Variants in CYREN observed in about 807,000 individuals in gnomAD.
The protein encoded by CYREN is cell cycle regulator of NHEJ.
CYREN carries 7 observed loss-of-function variants against 9.7 expected under a neutral mutation model. The observed-to-expected ratio is 0.72, with a 90% confidence interval of 0.41 to 1.36. CYREN has a LOEUF of 1.36. Among genes scored for constraint, CYREN ranks in the 40% most tolerant of loss-of-function variants. The pLI is 0.01. For missense variants in CYREN, 215 were observed against 198.1 expected (o/e 1.09, Z -0.51); for synonymous variants, 76 against 77.9 (o/e 0.98, Z 0.13).
chr7:135,105,215 G>A (rs889195617), intron 2 of CYREN, among the ~76,000 whole-genome samples: 1 of 151,832 alleles, frequency 6.6e-6, no homozygotes, highest in Non-Finnish European at 1.5e-5. Flanking sequence ...GATTACAGGT[G>A]CCCACCACCA....
At chr7:135,103,047 T>C (rs1392923546) in intron 2 of CYREN, among the ~76,000 whole-genome samples, 2 of 152,186 alleles carry the variant, frequency 1.3e-5, no homozygotes, top group African/African-American at 4.8e-5. Context: ...CCTATGTCAT[T>C]TCTTCTTTGA....
intron 2 of CYREN, among the ~76,000 whole-genome samples, chr7:135,095,338 T>C (rs1204633588): frequency 1.3e-5 from 2 of 152,226 alleles, no homozygotes; most frequent in East Asian, 3.8e-4. Flanking sequence ...AACAGTGGTT[T>C]ACAGCTGATA....
exon 3 of CYREN, chr7:135,094,146 G>A (rs1402707781): frequency 3.2e-5 from 10 of 310,418 alleles, no homozygotes; most frequent in African/African-American, 2.2e-4. Flanking sequence ...ACTCTTAGAA[G>A]AAAATATAGA....
At chr7:135,166,957 G>A in intron 3 of CYREN, 86 bp from the exon 4 acceptor site, 1 of 1,546,102 alleles carries the variant, frequency 6.5e-7, no homozygotes, top group Non-Finnish European at 8.7e-7. Context: ...GATGTATCTA[G>A]AAGCAACTAC....
At chr7:135,171,564 C>A (rs1338029058), upstream of CYREN, among the ~76,000 whole-genome samples, 1 of 152,198 alleles carries the variant, frequency 6.6e-6, no homozygotes, top group Non-Finnish European at 1.5e-5. Flanking sequence ...TTGCTCAAAT[C>A]AATCACGACC....
At chr7:135,098,322 C>T (rs768102423) in intron 2 of CYREN, among the ~76,000 whole-genome samples, 1 of 152,152 alleles carries the variant, frequency 6.6e-6, no homozygotes, top group Non-Finnish European at 1.5e-5. Flanking sequence ...ATAACCTATG[C>T]ATATCCTCCA....
At chr7:135,094,624 C>A in intron 2 of CYREN, 1 of 436,216 alleles carries the variant, frequency 2.3e-6, no homozygotes, top group Non-Finnish European at 4.6e-6. Context: ...GAAATACACC[C>A]AGAGCATTCT....
At chr7:135,101,919 A>C (rs1367431833) in intron 2 of CYREN, among the ~76,000 whole-genome samples, 1 of 152,142 alleles carries the variant, frequency 6.6e-6, no homozygotes, top group Non-Finnish European at 1.5e-5. Flanking sequence ...TCATGATAGT[A>C]AATAAGTCTC....
At chr7:135,158,196 A>T (rs1205375093) in intron 2 of CYREN, among the ~76,000 whole-genome samples, 1 of 151,954 alleles carries the variant, frequency 6.6e-6, no homozygotes, top group African/African-American at 2.4e-5. Context: ...CCAGGCAGGC[A>T]GCATGGGCAA....
chr7:135,140,456 C>G (rs1195158395), intron 2 of CYREN, among the ~76,000 whole-genome samples: 1 of 151,958 alleles, frequency 6.6e-6, no homozygotes, highest in African/African-American at 2.4e-5. Context: ...ATCTAGGAGC[C>G]TTTGGGCAGA....
At chr7:135,101,143 G>C (rs987335328) in intron 2 of CYREN, 1 of 455,392 alleles carries the variant, frequency 2.2e-6, no homozygotes, top group Admixed American at 2.4e-5. Context: ...AAATCAGTGA[G>C]AGGCCAATCT....
intron 2 of CYREN, among the ~76,000 whole-genome samples, chr7:135,146,153 T>C: frequency 6.6e-6 from 1 of 152,184 alleles, no homozygotes; most frequent in Non-Finnish European, 1.5e-5. Context: ...AATTTCAGTA[T>C]TATTGTGTCT....
intron 2 of CYREN, chr7:135,101,325 G>T: frequency 2.2e-6 from 1 of 450,770 alleles, no homozygotes; most frequent in Non-Finnish European, 4.5e-6. Context: ...TACAAAGATG[G>T]TTTTCACTAT....
At chr7:135,153,741 ACTAGTATTT>A (rs571829789) in intron 2 of CYREN, among the ~76,000 whole-genome samples, 1 of 152,242 alleles carries the variant, frequency 6.6e-6, no homozygotes, top group East Asian at 1.9e-4. Flanking sequence ...GATTTGATTT[ACTAGTATTT>A]TGTTGAGGAT....
At chr7:135,150,692 A>G (rs138495096) in intron 2 of CYREN, among the ~76,000 whole-genome samples, 1 of 152,256 alleles carries the variant, frequency 6.6e-6, no homozygotes, top group East Asian at 1.9e-4. Context: ...CCGCCCACAA[A>G]CTGGACCGTG....
At chr7:135,094,060 G>T (rs761430263) in exon 3 of CYREN, 12 of 191,758 alleles carry the variant, frequency 6.3e-5, no homozygotes, top group Admixed American at 1.1e-4. Flanking sequence ...AAAGAATGAA[G>T]TTGGCCGTGT....
intron 2 of CYREN, among the ~76,000 whole-genome samples, chr7:135,107,552 T>C (rs1006499508): frequency 2.6e-5 from 4 of 152,216 alleles, no homozygotes; most frequent in African/African-American, 9.6e-5. Flanking sequence ...TCTTGATTTC[T>C]ATTTTTATTG....
intron 2 of CYREN, among the ~76,000 whole-genome samples, chr7:135,096,251 A>G (rs1822672694): frequency 6.6e-6 from 1 of 152,126 alleles, no homozygotes; most frequent in African/African-American, 2.4e-5. Context: ...TATTGGGATC[A>G]TGTTTCCTAA....
At chr7:135,111,115 A>G (rs570834069) in intron 2 of CYREN, among the ~76,000 whole-genome samples, 1 of 152,322 alleles carries the variant, frequency 6.6e-6, no homozygotes, top group South Asian at 2.1e-4. Context: ...TAAAACAGAA[A>G]CAAAAACCAG....
Sources: allele counts gnomAD v4.1 joint callset (sites outside exome capture counted in the v4.1 genomes callset), GRCh38; gene constraint gnomAD v4.1.1; transcripts MANE v1.5; gene names NCBI Gene and HGNC (gene_info 2026-07-23, HGNC 2026-07-21).